The following CSMD2 variants were observed in gnomAD, a reference collection of about 807,000 sequenced individuals.
CSMD2 encodes the protein CUB and Sushi multiple domains 2.
CSMD2 carries 130 observed loss-of-function variants against 398.5 expected under a neutral mutation model. The ratio of observed to expected loss-of-function variants is 0.33; its 90% CI spans 0.28 to 0.38. The LOEUF is 0.38. Among genes scored for constraint, CSMD2 ranks in the 10% least tolerant of loss-of-function variants. The pLI, the probability that CSMD2 is intolerant of heterozygous loss-of-function variation, is 1.00. For synonymous variants in CSMD2, 1,828 were observed against 1,908.5 expected (o/e 0.96, Z 1.10); for missense variants, 3,829 against 4,764.9 (o/e 0.80, Z 5.78).
chr1:33,743,268 G>A lies in CSMD2; in HGVS notation c.2173+12C>T. 6.3e-7 allele frequency: 1 copy of A among 1,583,000 alleles called. No homozygotes were observed. The highest frequency in any genetic ancestry group is 8.6e-7 in the Non-Finnish European group (1 of 1,161,612). On this transcript the variant is annotated intron_variant, in intron 14 of 70. Coordinates refer to ENST00000373381, the MANE Select transcript of CSMD2 (RefSeq NM_001281956.2). ...AGATGGAGGGCCAGCTGGTGACAGA[G>A]GGAGGACTCACTGGTAAAAGTGATG...
intron 1 of CSMD2, among the ~76,000 whole-genome samples, chr1:34,138,669 G>A (rs929468124): frequency 2.6e-5 from 4 of 151,840 alleles, no homozygotes; most frequent in Non-Finnish European, 1.5e-5. Flanking sequence ...ATGAAATATC[G>A]AGTCCAAATA....
At chr1:33,796,206 G>A (rs1654930171) in intron 10 of CSMD2, among the ~76,000 whole-genome samples, 1 of 152,168 alleles carries the variant, frequency 6.6e-6, no homozygotes, top group Non-Finnish European at 1.5e-5. Context: ...TCTCTTATGC[G>A]ATTTCATCAC....
chr1:33,610,934 C>T, intron 41 of CSMD2, 107 bp downstream of exon 41: 1 of 1,092,756 alleles, frequency 9.2e-7, no homozygotes. Context: ...CGCAACCCAC[C>T]CCTTATGGTG....
intron 15 of CSMD2, 68 bp downstream of exon 15, chr1:33,739,072 C>A: frequency 6.7e-7 from 1 of 1,488,634 alleles, no homozygotes; most frequent in Non-Finnish European, 9.1e-7. Context: ...ATGGCCTGGG[C>A]TGCTTGCTCC....
At chr1:33,677,550 C>A (rs538993476) in intron 25 of CSMD2, among the ~76,000 whole-genome samples, 2 of 152,100 alleles carry the variant, frequency 1.3e-5, no homozygotes, top group African/African-American at 2.4e-5. Context: ...GTCAGTGTGG[C>A]GATTCCTCAG....
intron 66 of CSMD2, among the ~76,000 whole-genome samples, chr1:33,523,914 A>G (rs1654540043): frequency 1.3e-5 from 2 of 152,318 alleles, no homozygotes; most frequent in South Asian, 4.1e-4. Flanking sequence ...TCACTCACAC[A>G]TTTGCTTATC....
chr1:33,764,409 G>A (rs534600322), intron 13 of CSMD2, among the ~76,000 whole-genome samples: 1 of 152,078 alleles, frequency 6.6e-6, no homozygotes, highest in African/African-American at 2.4e-5. Context: ...TCAAGGCGAC[G>A]TCCCCTTCAG....
At chr1:33,790,718 CATCT>C (rs1654167240) in intron 11 of CSMD2, among the ~76,000 whole-genome samples, 1 of 150,116 alleles carries the variant, frequency 6.7e-6, no homozygotes, top group Non-Finnish European at 1.5e-5. Flanking sequence ...ATCTGTCTAT[CATCT>C]ATCAATCATC....
At chr1:33,821,450 C>T (rs995537860) in intron 7 of CSMD2, among the ~76,000 whole-genome samples, 16 of 152,132 alleles carry the variant, frequency 1.1e-4, no homozygotes, top group African/African-American at 2.7e-4. Flanking sequence ...ACAGCCTGGT[C>T]GGAGGAGTTC....
chr1:33,862,687 C>T (rs1639630918), intron 5 of CSMD2, among the ~76,000 whole-genome samples: 2 of 152,114 alleles, frequency 1.3e-5, no homozygotes. Flanking sequence ...TCCTGCCACA[C>T]AACTACAGCT....
intron 3 of CSMD2, among the ~76,000 whole-genome samples, chr1:34,025,898 GATTAAGGATTTT>G (rs1649586464): frequency 6.6e-6 from 1 of 152,188 alleles, no homozygotes; most frequent in African/African-American, 2.4e-5. Context: ...CGAACAGCTG[GATTAAGGATTTT>G]ATGCAAACTC....
At chr1:33,534,586 G>A (rs1655583895) in intron 62 of CSMD2, among the ~76,000 whole-genome samples, 1 of 152,136 alleles carries the variant, frequency 6.6e-6, no homozygotes, top group Non-Finnish European at 1.5e-5. Context: ...TCCACTTGGT[G>A]TAATGCGGCT....
chr1:33,923,601 C>T (rs1320165453), intron 4 of CSMD2, among the ~76,000 whole-genome samples: 1 of 152,200 alleles, frequency 6.6e-6, no homozygotes, highest in Non-Finnish European at 1.5e-5. Flanking sequence ...TTTAGGGCAT[C>T]CATCACCTCA....
chr1:33,816,924 C>T lies in CSMD2; in HGVS notation c.1324+2789G>A, dbSNP rs10489914. ...TATTTCTAATCAAATCATATTTTAACTGCATTAAAGAAAAAATAATACCAT... is the reference window on the plus strand; with the variant it reads ...TATTTCTAATCAAATCATATTTTAATTGCATTAAAGAAAAAATAATACCAT... On this transcript the variant is annotated intron_variant, in intron 9 of 70. Coordinates refer to ENST00000373381, the MANE Select transcript of CSMD2 (RefSeq NM_001281956.2). Among the ~76,000 whole-genome samples, 3 of 151,984 alleles carry T rather than the reference C, an allele frequency of 2.0e-5. 1 individual carries two copies. Among genetic ancestry groups the T allele is most frequent in the Admixed American group, 2.0e-4 (3 of 15,270 alleles).
intron 53 of CSMD2, among the ~76,000 whole-genome samples, chr1:33,566,817 C>G (rs6676127): frequency 6.6e-6 from 1 of 151,900 alleles, no homozygotes; most frequent in Non-Finnish European, 1.5e-5. Flanking sequence ...CAAGGAAAAA[C>G]AGAAACACAC....
chr1:33,777,154 G>A (rs1168729430), intron 12 of CSMD2, among the ~76,000 whole-genome samples: 1 of 152,206 alleles, frequency 6.6e-6, no homozygotes, highest in East Asian at 1.9e-4. Context: ...AGTTCATTGG[G>A]TGTGGGGAAG....
At chr1:33,667,475 C>T (rs1644354574) in intron 25 of CSMD2, among the ~76,000 whole-genome samples, 1 of 152,112 alleles carries the variant, frequency 6.6e-6, no homozygotes, top group Non-Finnish European at 1.5e-5. Flanking sequence ...AGACAGTAAG[C>T]TGGAATTGCT....
In CSMD2 at chr1:33,527,258, T is replaced by C; in HGVS notation, c.10172A>G (p.Glu3391Gly). Reference sequence around the variant, plus strand: ...GATGGGTCTCCCACTGGGCCGGACCTCTGCTGGGGAAAAAGAGTGGAAGAA... The same window carrying C: ...GATGGGTCTCCCACTGGGCCGGACCCCTGCTGGGGAAAAAGAGTGGAAGAA... ...SWTGKPPICL[E>G]VRPSGRPINT... Residue 3391 changes from glutamate to glycine, a missense_variant and splice_region_variant, in exon 65 of 71, where the codon GAG (glutamate) becomes GGG (glycine). Glu to Gly is a moderately conservative substitution (Grantham distance 98). Transcript: ENST00000373381. 2 of 1,610,742 alleles carry C rather than the reference T, an allele frequency of 1.2e-6. No homozygotes were observed. Among genetic ancestry groups the C allele is most frequent in the East Asian group, 2.2e-5 (1 of 44,794 alleles).
intron 5 of CSMD2, chr1:33,860,338 T>G (rs1558015075): frequency 6.6e-6 from 1 of 152,218 alleles, no homozygotes. Context: ...GTCTAATGTT[T>G]TTTCATAGAC....
Sources: allele counts gnomAD v4.1 joint callset (sites outside exome capture counted in the v4.1 genomes callset), GRCh38; gene constraint gnomAD v4.1.1; transcripts MANE v1.5; gene names NCBI Gene and HGNC (gene_info 2026-07-23, HGNC 2026-07-21).